Variants in USP39 observed in about 807,000 individuals in gnomAD.
USP39 encodes the protein ubiquitin specific peptidase 39.
A neutral mutation model predicts 66.4 loss-of-function variants in USP39; 38 were observed. That is an observed-to-expected ratio of 0.57 (90% CI 0.44 to 0.75). USP39 has a LOEUF of 0.75. USP39 is among the 30% of genes least tolerant of loss of function. The pLI, the probability that USP39 is intolerant of heterozygous loss-of-function variation, is 0.00. For synonymous variants in USP39, 303 were observed against 274.6 expected, an observed-to-expected ratio of 1.10 and a Z score of -1.02; for missense variants, 608 against 714.4, an observed-to-expected ratio of 0.85 and a Z score of 1.70.
intron 2 of USP39, 134 bp downstream of exon 2, chr2:85,619,423 C>A: frequency 1.3e-6 from 1 of 793,528 alleles, no homozygotes; most frequent in South Asian, 1.8e-5. Context: ...GTGCTTCTTG[C>A]CATGTTACTC....
chr2:85,614,435 A>C (rs10190428), upstream of USP39, among the ~76,000 whole-genome samples: 12,038 of 152,058 alleles, frequency 0.079, 984 homozygotes, highest in East Asian at 0.31. Flanking sequence ...AATCACTTGA[A>C]CCCAGGAGGC....
At chr2:85,612,262 G>T (rs1219024825), upstream of USP39, 4 of 1,454,364 alleles carry the variant, frequency 2.8e-6, no homozygotes, top group African/African-American at 5.7e-5. Context: ...AGGAAACAAG[G>T]ACTTCGGCTT....
chr2:85,625,255 G>A (rs1368875543), intron 4 of USP39, among the ~76,000 whole-genome samples: 2 of 152,160 alleles, frequency 1.3e-5, no homozygotes, highest in African/African-American at 4.8e-5. Context: ...GTATTGTATG[G>A]TTTCTGGCAG....
At chr2:85,633,232 C>A (rs749788332) in intron 6 of USP39, among the ~76,000 whole-genome samples, 2 of 151,922 alleles carry the variant, frequency 1.3e-5, no homozygotes, top group Non-Finnish European at 2.9e-5. Context: ...GCTATTCTGC[C>A]GCCTCAGCCT....
rs1329352584 is a variant in USP39, at chr2:85,641,017, G to C, written c.1326G>C (p.Gln442His). Reference sequence around the variant, plus strand: ...AGGAGAACTTTCTGAAGCGCTTCCAGCTTACCAAGTTGCCTCCATATCTAA... The same window carrying C: ...AGGAGAACTTTCTGAAGCGCTTCCACCTTACCAAGTTGCCTCCATATCTAA... ...TYKENFLKRF[Q>H]LTKLPPYLIF... Residue 442 changes from glutamine to histidine, a missense_variant, in exon 10 of 13, where the codon CAG (glutamine) becomes CAC (histidine). Physicochemically the swap from Gln to His is conservative, Grantham distance 24. This residue lies in a region of USP39 where 164 missense variants were observed against 250.3 expected (regional missense o/e 0.66). Transcript: ENST00000323701. The C allele has an allele frequency of 5.6e-6, 9 of 1,613,556 alleles. No homozygotes were observed. The Admixed American group carries it at 8.4e-5, about 15-fold the overall frequency.
At chr2:85,614,289 G>A (rs1200897540), upstream of USP39, among the ~76,000 whole-genome samples, 6 of 152,210 alleles carry the variant, frequency 3.9e-5, no homozygotes, top group South Asian at 2.1e-4. Context: ...GGAGGCGGGC[G>A]GATCACTTGA....
rs1321710579 is a variant in USP39, at chr2:85,649,005, A to T, written c.*197A>T. 5 of 648,898 alleles carry T rather than the reference A, an allele frequency of 7.7e-6. No homozygotes were observed. Among genetic ancestry groups the T allele is most frequent in the African/African-American group, 7.3e-5 (4 of 54,906 alleles). 40.2% of individuals were successfully genotyped at this position (648,898 alleles called of 1,614,324 possible). On this transcript the variant is annotated 3_prime_UTR_variant, in exon 13 of 13. Coordinates refer to ENST00000323701, the MANE Select transcript of USP39 (RefSeq NM_006590.4). ...ACTGTCACTCAGCTGTTCTTTGATC[A>T]TTTTTTTCTAGATTGATGCTCCTTT... is the stretch of plus-strand genomic sequence containing the variant.
intron 1 of USP39, among the ~76,000 whole-genome samples, chr2:85,604,660 G>GC (rs1441587861): frequency 6.6e-6 from 1 of 152,248 alleles, no homozygotes; most frequent in Non-Finnish European, 1.5e-5. Flanking sequence ...TATGCTTTGT[G>GC]CCTCAGGACA....
At chr2:85,610,976 G>C (rs1673479782), upstream of USP39, 1 of 153,522 alleles carries the variant, frequency 6.5e-6, no homozygotes, top group Non-Finnish European at 1.4e-5. Flanking sequence ...AGCCAGGATG[G>C]TCTCGATCTC....
intron 10 of USP39, among the ~76,000 whole-genome samples, chr2:85,641,369 G>A (rs868675086): frequency 6.6e-6 from 1 of 152,170 alleles, no homozygotes; most frequent in African/African-American, 2.4e-5. Context: ...GTCTTCCTGC[G>A]TAGAGAAGAA....
chr2:85,608,757 T>G (rs970807097), upstream of USP39: 23 of 253,110 alleles, frequency 9.1e-5, no homozygotes, highest in Non-Finnish European at 1.5e-4. Flanking sequence ...GCTGGGCAAA[T>G]GGGTCAACAT....
At chr2:85,635,857 A>G (rs772065857) in intron 6 of USP39, among the ~76,000 whole-genome samples, 196 bp from the exon 7 acceptor site, 1 of 152,140 alleles carries the variant, frequency 6.6e-6, no homozygotes, top group Admixed American at 6.6e-5. Context: ...GAGAGAGTCA[A>G]GATCGGAGGA....
upstream of USP39, chr2:85,609,539 TTTCACCGGACTC>T (rs1298365440): frequency 3.1e-6 from 5 of 1,614,060 alleles, no homozygotes; most frequent in Non-Finnish European, 3.4e-6. Context: ...CTACTGCTGC[TTTCACCGGACTC>T]TTCATAGTCT....
At chr2:85,638,604 T>A (rs931921952) in intron 8 of USP39, among the ~76,000 whole-genome samples, 1 of 151,760 alleles carries the variant, frequency 6.6e-6, no homozygotes, top group Non-Finnish European at 1.5e-5. Flanking sequence ...AATGGCACTA[T>A]CTCGGCTCAC....
At chr2:85,621,800 TAA>T (rs1480957894) in intron 3 of USP39, among the ~76,000 whole-genome samples, 1 of 152,146 alleles carries the variant, frequency 6.6e-6, no homozygotes, top group East Asian at 1.9e-4. Context: ...ACTGTAATCT[TAA>T]AGACTCTGGG....
At chr2:85,620,803 T>A (rs1383785384) in intron 2 of USP39, among the ~76,000 whole-genome samples, 1 of 152,184 alleles carries the variant, frequency 6.6e-6, no homozygotes, top group African/African-American at 2.4e-5. Flanking sequence ...CTCTTTGGGA[T>A]TATTATCGGT....
At chr2:85,631,800 G>A (rs914557399) in intron 6 of USP39, among the ~76,000 whole-genome samples, 12 of 152,028 alleles carry the variant, frequency 7.9e-5, no homozygotes, top group Admixed American at 7.9e-4. Flanking sequence ...CCAGGCTGGA[G>A]TGCAGTGGTG....
chr2:85,637,541 A>G (rs1675867962), intron 8 of USP39, 105 bp downstream of exon 8: 1 of 1,286,570 alleles, frequency 7.8e-7, no homozygotes, highest in Non-Finnish European at 1.1e-6. Flanking sequence ...TGCCCTGTGA[A>G]GAGGTTCAAC....
Position 85,630,959 on chromosome 2 carries a change from C to A in USP39, c.949+13C>A. 1 of 1,608,326 alleles carries A rather than the reference C, an allele frequency of 6.2e-7. No individual in the cohort carries two copies. Among genetic ancestry groups the A allele is most frequent in the South Asian group, 1.1e-5 (1 of 90,158 alleles). On this transcript the variant is annotated intron_variant, in intron 6 of 12. Coordinates refer to ENST00000323701, the MANE Select transcript of USP39 (RefSeq NM_006590.4). Reference sequence around the variant, plus strand: ...ATCACCAAACAAGGTAAGAACAAGTCATTCATGTTTCAGGACAACAAAACT... The same window carrying A: ...ATCACCAAACAAGGTAAGAACAAGTAATTCATGTTTCAGGACAACAAAACT...
Sources: gnomAD v4.1 joint callset for allele counts (sites outside exome capture counted in the v4.1 genomes callset) on GRCh38, gnomAD v4.1.1 for gene constraint, gnomAD v4.1.1 regional missense constraint, MANE v1.5 for transcripts, NCBI Gene and HGNC (gene_info 2026-07-23, HGNC 2026-07-21) for gene names.